The following LRRC37A2 variants were observed in gnomAD, a reference collection of about 807,000 sequenced individuals.
LRRC37A2 encodes leucine rich repeat containing 37 member A2, also known as leucine-rich repeat-containing protein 37A2.
LRRC37A2 carries 9 observed loss-of-function variants against 68.8 expected under a neutral mutation model. The ratio of observed to expected loss-of-function variants is 0.13; its 90% CI spans 0.08 to 0.23. The LOEUF (loss-of-function observed/expected upper bound fraction) is 0.23, where lower values mean the gene tolerates loss of function less well. Among genes scored for constraint, LRRC37A2 ranks in the 10% least tolerant of loss-of-function variants. The pLI is 1.00. For synonymous variants in LRRC37A2, 63 were observed against 367.6 expected (o/e 0.17, Z 9.48); for missense variants, 168 against 950.4 (o/e 0.18, Z 10.82).
chr17:46,837,292 A>G, the LRRC37A2 span, among the ~76,000 whole-genome samples: 8 of 152,136 alleles, frequency 5.3e-5, 1 homozygote, highest in South Asian at 1.0e-3. Flanking sequence ...TCATCCCTTT[A>G]CTTATGTAAC....
the LRRC37A2 span, among the ~76,000 whole-genome samples, chr17:46,771,405 G>T: frequency 2.0e-5 from 3 of 151,420 alleles, no homozygotes; most frequent in Admixed American, 6.6e-5. Flanking sequence ...CAGGGCGGGC[G>T]CCCCTCGTTT....
the LRRC37A2 span, among the ~76,000 whole-genome samples, chr17:46,690,641 A>G: frequency 7.7e-6 from 1 of 130,370 alleles, no homozygotes; most frequent in South Asian, 2.4e-4. Flanking sequence ...ATATATATAT[A>G]TTGTATAGGG....
the LRRC37A2 span, among the ~76,000 whole-genome samples, chr17:46,743,707 C>T: frequency 6.6e-6 from 1 of 152,198 alleles, no homozygotes; most frequent in Non-Finnish European, 1.5e-5. Flanking sequence ...TACAACTGGC[C>T]TGTCCTTGGG....
the LRRC37A2 span, among the ~76,000 whole-genome samples, chr17:46,734,361 G>A: frequency 6.6e-6 from 1 of 151,990 alleles, no homozygotes; most frequent in African/African-American, 2.4e-5. Context: ...CCACTGATGT[G>A]GTGACTTTTG....
At chr17:46,883,252 G>A in the LRRC37A2 span, among the ~76,000 whole-genome samples, 1 of 151,108 alleles carries the variant, frequency 6.6e-6, no homozygotes, top group Non-Finnish European at 1.5e-5. Context: ...AAAGTGCTGG[G>A]ATTACAGGCG....
chr17:46,930,265 C>A, the LRRC37A2 span: 1 of 152,234 alleles, frequency 6.6e-6, no homozygotes, highest in Non-Finnish European at 1.5e-5. Context: ...TCACTGTGGG[C>A]ACAAAGGGCT....
At chr17:46,709,555 C>T in the LRRC37A2 span, among the ~76,000 whole-genome samples, 3 of 151,346 alleles carry the variant, frequency 2.0e-5, no homozygotes, top group South Asian at 6.3e-4. Flanking sequence ...AGTGCAGTGG[C>T]GTGATCTCGG....
At chr17:46,854,187 GC>G in the LRRC37A2 span, among the ~76,000 whole-genome samples, 1 of 152,168 alleles carries the variant, frequency 6.6e-6, no homozygotes, top group Non-Finnish European at 1.5e-5. Flanking sequence ...ACAGGATTCA[GC>G]CTGAGCTCTC....
At chr17:46,923,913 G>A in the LRRC37A2 span, 3 of 395,898 alleles carry the variant, frequency 7.6e-6, no homozygotes, top group South Asian at 3.8e-4. Context: ...GGGGCGGGGG[G>A]CAGAATTATG....
chr17:46,493,687 G>A, the LRRC37A2 span, among the ~76,000 whole-genome samples: 14 of 149,150 alleles, frequency 9.4e-5, no homozygotes, highest in African/African-American at 3.3e-4. Context: ...ACAGGCACCC[G>A]CCCCCACGCC....
the LRRC37A2 span, among the ~76,000 whole-genome samples, chr17:46,728,561 C>T: frequency 2.0e-5 from 3 of 151,624 alleles, no homozygotes; most frequent in Non-Finnish European, 4.4e-5. Context: ...CCCAGGAGTT[C>T]AAGACAAGCC....
At chr17:46,962,630 A>G in the LRRC37A2 span, among the ~76,000 whole-genome samples, 1 of 152,220 alleles carries the variant, frequency 6.6e-6, no homozygotes, top group African/African-American at 2.4e-5. Context: ...CCATGAGTTG[A>G]TAAGGAGAGG....
At chr17:46,742,829 A>C in the LRRC37A2 span, among the ~76,000 whole-genome samples, 1 of 152,242 alleles carries the variant, frequency 6.6e-6, no homozygotes, top group Admixed American at 6.5e-5. Flanking sequence ...TTGAAGATAA[A>C]TGCAGAGAAG....
chr17:46,869,271 T>C, the LRRC37A2 span, among the ~76,000 whole-genome samples: 2 of 152,174 alleles, frequency 1.3e-5, no homozygotes, highest in African/African-American at 4.8e-5. Flanking sequence ...GTCCATTAGA[T>C]GAAATTTAAA....
chr17:47,005,776 A>G, the LRRC37A2 span: 1 of 152,296 alleles, frequency 6.6e-6, no homozygotes, highest in African/African-American at 2.4e-5. Flanking sequence ...AGGCTTCTCC[A>G]CAGACCAGCT....
At chr17:46,773,571 T>G in the LRRC37A2 span, 4 of 1,366,902 alleles carry the variant, frequency 2.9e-6, no homozygotes, top group African/African-American at 4.4e-5. Context: ...GGACCCTGGC[T>G]TCAGAGAAGA....
chr17:46,770,135 G>C, the LRRC37A2 span: 6 of 1,449,278 alleles, frequency 4.1e-6, no homozygotes, highest in Middle Eastern at 4.9e-4. Context: ...GGACGTGAGG[G>C]GAACGAGGCC....
At chr17:46,734,549 G>GTA in the LRRC37A2 span, among the ~76,000 whole-genome samples, 2,625 of 152,108 alleles carry the variant, frequency 0.017, 85 homozygotes, top group African/African-American at 0.061. Flanking sequence ...ATGTGTGTGT[G>GTA]TATATATACA....
chr17:46,806,432 C>T, the LRRC37A2 span, among the ~76,000 whole-genome samples: 1 of 152,150 alleles, frequency 6.6e-6, no homozygotes, highest in Admixed American at 6.5e-5. Context: ...TGGCCTCAAA[C>T]TCCCAACCTC....
Sources: allele counts gnomAD v4.1 joint callset (sites outside exome capture counted in the v4.1 genomes callset), GRCh38; gene constraint gnomAD v4.1.1; transcripts MANE v1.5; gene names NCBI Gene and HGNC (gene_info 2026-07-23, HGNC 2026-07-21).